The following HYCC2 variants were observed in gnomAD, a reference collection of about 807,000 sequenced individuals.
HYCC2 encodes hyccin PI4KA lipid kinase complex subunit 2.
At chr2:201,008,746 A>T in the HYCC2 span, among the ~76,000 whole-genome samples, 7 of 152,114 alleles carry the variant, frequency 4.6e-5, no homozygotes, top group Non-Finnish European at 8.8e-5. Context: ...AATAAAAAAA[A>T]AATTGGCCAG....
chr2:200,987,741 C>A, the HYCC2 span, among the ~76,000 whole-genome samples: 1 of 152,120 alleles, frequency 6.6e-6, no homozygotes, highest in Non-Finnish European at 1.5e-5. Context: ...ACAGAAAAAT[C>A]AGGATCATTA....
the HYCC2 span, among the ~76,000 whole-genome samples, chr2:201,010,021 T>C: frequency 6.6e-6 from 1 of 151,436 alleles, no homozygotes; most frequent in Admixed American, 6.6e-5. Context: ...GGAGAATCGC[T>C]TGAACCCGGG....
chr2:200,980,880 G>A, the HYCC2 span: 1 of 193,800 alleles, frequency 5.2e-6, no homozygotes, highest in East Asian at 1.2e-4. Context: ...AACCCGTTTT[G>A]TTTTTAAACA....
the HYCC2 span, among the ~76,000 whole-genome samples, chr2:201,052,491 C>G: frequency 6.6e-6 from 1 of 151,750 alleles, no homozygotes; most frequent in Admixed American, 6.6e-5. Flanking sequence ...GCCTGTAGTC[C>G]CAGCTACTCA....
the HYCC2 span, among the ~76,000 whole-genome samples, chr2:201,006,937 A>C: frequency 6.6e-6 from 1 of 152,226 alleles, no homozygotes. Context: ...GCACAAGTTT[A>C]CCACAAGGTA....
the HYCC2 span, among the ~76,000 whole-genome samples, chr2:201,034,538 G>A: frequency 6.6e-6 from 1 of 152,196 alleles, no homozygotes; most frequent in Non-Finnish European, 1.5e-5. Context: ...ACAGCACACT[G>A]ATGGGTCTTG....
the HYCC2 span, chr2:201,023,884 CAT>C: frequency 9.0e-7 from 1 of 1,110,006 alleles, no homozygotes; most frequent in Non-Finnish European, 1.4e-6. Context: ...AATGTTTCTC[CAT>C]AGAGCACATA....
At chr2:200,997,827 G>A in the HYCC2 span, among the ~76,000 whole-genome samples, 1 of 152,198 alleles carries the variant, frequency 6.6e-6, no homozygotes, top group Non-Finnish European at 1.5e-5. Context: ...CACAAGGTCA[G>A]AAGATCGAGA....
At chr2:200,987,626 A>G in the HYCC2 span, 1 of 943,990 alleles carries the variant, frequency 1.1e-6, no homozygotes, top group South Asian at 1.6e-5. Flanking sequence ...GTATATATGG[A>G]TATGATATAA....
the HYCC2 span, among the ~76,000 whole-genome samples, chr2:201,035,793 T>C: frequency 1.3e-5 from 2 of 152,206 alleles, no homozygotes; most frequent in Non-Finnish European, 2.9e-5. Flanking sequence ...GTGGATGTCC[T>C]TTCTGTTAGT....
the HYCC2 span, chr2:200,988,327 A>G: frequency 6.2e-7 from 1 of 1,613,832 alleles, no homozygotes; most frequent in East Asian, 2.2e-5. Context: ...AATCCTCGGC[A>G]CTGTTGGAGT....
At chr2:201,068,996 G>A in the HYCC2 span, among the ~76,000 whole-genome samples, 5 of 151,980 alleles carry the variant, frequency 3.3e-5, no homozygotes, top group South Asian at 2.1e-4. Flanking sequence ...ACAGTAACTC[G>A]GAACAAGGAT....
At chr2:201,058,342 C>T in the HYCC2 span, among the ~76,000 whole-genome samples, 2 of 152,198 alleles carry the variant, frequency 1.3e-5, no homozygotes, top group African/African-American at 4.8e-5. Flanking sequence ...TTTATAATGT[C>T]ATTAGATTGT....
the HYCC2 span, among the ~76,000 whole-genome samples, chr2:201,050,767 T>C: frequency 6.6e-6 from 1 of 151,934 alleles, no homozygotes; most frequent in South Asian, 2.1e-4. Context: ...AAACCCCGTC[T>C]CTACTAAAAA....
At chr2:201,007,738 G>A in the HYCC2 span, among the ~76,000 whole-genome samples, 1 of 152,188 alleles carries the variant, frequency 6.6e-6, no homozygotes, top group African/African-American at 2.4e-5. Flanking sequence ...TGTGATTTAA[G>A]GTGGTAGCTC....
chr2:200,997,537 A>C, the HYCC2 span: 1 of 1,601,192 alleles, frequency 6.2e-7, no homozygotes, highest in Non-Finnish European at 8.6e-7. Context: ...TCAGGACTTC[A>C]AACCTAAAAA....
At chr2:201,011,450 T>C in the HYCC2 span, 1 of 1,578,828 alleles carries the variant, frequency 6.3e-7, no homozygotes, top group African/African-American at 1.4e-5. Context: ...AACTTTATTG[T>C]TCCCATCTTT....
At chr2:201,042,004 C>G in the HYCC2 span, among the ~76,000 whole-genome samples, 24 of 152,254 alleles carry the variant, frequency 1.6e-4, no homozygotes, top group East Asian at 4.3e-3. Context: ...CCTCTGATGC[C>G]GAGCCGAGGC....
At chr2:200,987,629 T>A in the HYCC2 span, 1 of 903,822 alleles carries the variant, frequency 1.1e-6, no homozygotes, top group Non-Finnish European at 1.5e-6. Flanking sequence ...TATATGGATA[T>A]GATATAAACA....
Sources: allele counts gnomAD v4.1 joint callset (sites outside exome capture counted in the v4.1 genomes callset), GRCh38; gene constraint gnomAD v4.1.1; transcripts MANE v1.5; gene names NCBI Gene and HGNC (gene_info 2026-07-23, HGNC 2026-07-21).